The following DAPK1 variants were observed in gnomAD, a reference collection of about 807,000 sequenced individuals.
DAPK1 encodes death-associated protein kinase 1.
DAPK1 carries 56 observed loss-of-function variants against 144.9 expected under a neutral mutation model. The observed-to-expected ratio is 0.39, with a 90% confidence interval of 0.31 to 0.48. The LOEUF (loss-of-function observed/expected upper bound fraction) is 0.48, where lower values mean the gene tolerates loss of function less well. DAPK1 is among the 20% of genes least tolerant of loss of function. The pLI, the probability that DAPK1 is intolerant of heterozygous loss-of-function variation, is 0.95. For missense variants in DAPK1, 1,454 were observed against 1,875.4 expected (o/e 0.78, Z 4.15); for synonymous variants, 690 against 749.0 (o/e 0.92, Z 1.29).
chr9:87,600,519 G>T (rs1178139485), intron 2 of DAPK1, among the ~76,000 whole-genome samples: 1 of 152,162 alleles, frequency 6.6e-6, no homozygotes, highest in African/African-American at 2.4e-5. Context: ...CTCGAGCTCG[G>T]GAGGTCAAGG....
intron 15 of DAPK1, 149 bp downstream of exon 15, chr9:87,649,028 A>AAC (rs1364429314): frequency 7.4e-6 from 5 of 679,104 alleles, no homozygotes; most frequent in Non-Finnish European, 1.3e-5. Flanking sequence ...CAGGGACTCA[A>AAC]ACAGAAGTAC....
chr9:87,631,338 C>G (rs1227867339), intron 3 of DAPK1, among the ~76,000 whole-genome samples: 1 of 152,218 alleles, frequency 6.6e-6, no homozygotes, highest in African/African-American at 2.4e-5. Flanking sequence ...GCAATACCTT[C>G]TCCTGCATTA....
Position 87,706,072 on chromosome 9 carries a change from G to T in DAPK1, c.3061-60G>T. On this transcript the variant is annotated intron_variant, in intron 25 of 25. Coordinates refer to ENST00000408954, the MANE Select transcript of DAPK1 (RefSeq NM_004938.4). The surrounding 1 kb of genome is among the most constrained non-coding windows in gnomAD (Gnocchi z 9.0). ...CATCAGGCCCTTTAGTGCTCTAAGT[G>T]GCTGGTGCACCTGGCCAGGGCTCTG... 1 of 1,307,236 alleles carries T rather than the reference G, an allele frequency of 7.6e-7. No homozygotes were observed. Among genetic ancestry groups the T allele is most frequent in the Non-Finnish European group, 1.1e-6 (1 of 928,996 alleles). The allele number at this position is 1,307,236 out of a possible 1,614,324, so 81.0% of individuals were successfully genotyped here.
At chr9:87,600,174 C>A (rs1251272586) in intron 2 of DAPK1, among the ~76,000 whole-genome samples, 2 of 152,230 alleles carry the variant, frequency 1.3e-5, no homozygotes, top group African/African-American at 4.8e-5. Context: ...TGTTTGACTT[C>A]AGCTAGGAAC....
intron 18 of DAPK1, among the ~76,000 whole-genome samples, chr9:87,664,330 G>A (rs3128475): frequency 0.13 from 19,962 of 152,070 alleles, 1,733 homozygotes; most frequent in Non-Finnish European, 0.19. Context: ...CGCATAGTGT[G>A]CCCACAGCAT....
chr9:87,612,447 G>A (rs1828962732), intron 3 of DAPK1, among the ~76,000 whole-genome samples: 1 of 152,154 alleles, frequency 6.6e-6, no homozygotes, highest in Admixed American at 6.5e-5. Flanking sequence ...GAGGCATGGA[G>A]CAGATTCATC....
intron 3 of DAPK1, among the ~76,000 whole-genome samples, chr9:87,623,079 C>T (rs1237367464): frequency 1.3e-5 from 2 of 152,034 alleles, no homozygotes; most frequent in South Asian, 2.1e-4. Context: ...CATAAGGGGC[C>T]CACTAGGACT....
intron 24 of DAPK1, chr9:87,702,013 G>A (rs922468870): frequency 2.9e-6 from 1 of 340,426 alleles, no homozygotes; most frequent in Non-Finnish European, 6.3e-6. Flanking sequence ...TCTGGATTGA[G>A]GCTGCATTCC....
Position 87,639,458 on chromosome 9 carries a change from C to G in DAPK1, c.528C>G (p.Asn176Lys). The G allele has an allele frequency of 6.2e-7, 1 of 1,613,306 alleles. No homozygotes were observed. The highest frequency in any genetic ancestry group is 8.5e-7 in the Non-Finnish European group (1 of 1,179,854). ...TTGACTTTGGAAATGAATTTAAAAA[C>G]ATATTTGGGACTCCAGAGTTTGTCG... The part of the protein sequence containing the change: ...HKIDFGNEFK[N>K]IFGTPEFVAP... The change falls in exon 5 of 26, where the codon AAC (asparagine) becomes AAG (lysine). Residue 176 changes from asparagine to lysine, a missense_variant. By Grantham distance (94) the Asn-to-Lys change is moderately conservative. Coordinates refer to ENST00000408954, the MANE Select transcript of DAPK1 (RefSeq NM_004938.4).
chr9:87,675,686 G>A (rs1285382466), intron 19 of DAPK1, among the ~76,000 whole-genome samples: 1 of 152,052 alleles, frequency 6.6e-6, no homozygotes, highest in African/African-American at 2.4e-5. Flanking sequence ...CCTGATAGGA[G>A]GTGATCTTGG....
At chr9:87,540,789 C>A (rs1383938616) in intron 2 of DAPK1, among the ~76,000 whole-genome samples, 1 of 152,176 alleles carries the variant, frequency 6.6e-6, no homozygotes, top group African/African-American at 2.4e-5. Flanking sequence ...TGCTCACTTA[C>A]CTGTCTCTTA....
chr9:87,707,830 T>A lies in DAPK1; in HGVS notation c.*466T>A, dbSNP rs1218799681. The A allele has an allele frequency of 8.8e-6, 4 of 456,892 alleles. No individual in the cohort carries two copies. Among genetic ancestry groups the A allele is most frequent in the Admixed American group, 2.3e-5 (1 of 42,564 alleles). The allele number at this position is 456,892 out of a possible 1,614,324, so 28.3% of individuals were successfully genotyped here. A position where few individuals can be genotyped will look rare whatever the true frequency, so the allele number is the denominator to read the frequency against. On this transcript the variant is annotated 3_prime_UTR_variant, in exon 26 of 26. Transcript: ENST00000408954. This position sits in a 1 kb window ranked among gnomAD's most constrained non-coding sequence, Gnocchi z 4.0. ...ATTTCCTCAGCTTATCTCTTTTATA[T>A]TTGTAGGAGAAACTCCCATGTATGG... is the stretch of plus-strand genomic sequence containing the variant.
At chr9:87,567,676 G>C (rs1029190978) in intron 2 of DAPK1, among the ~76,000 whole-genome samples, 5 of 152,098 alleles carry the variant, frequency 3.3e-5, no homozygotes, top group African/African-American at 1.2e-4. Context: ...TTAGGATTAA[G>C]CTTTTCTCAG....
chr9:87,542,989 G>A (rs1826109216), intron 2 of DAPK1, among the ~76,000 whole-genome samples: 1 of 152,164 alleles, frequency 6.6e-6, no homozygotes, highest in African/African-American at 2.4e-5. Flanking sequence ...AGACTGCATG[G>A]GTGACATTAG....
At chr9:87,526,818 C>A (rs1825529108) in intron 2 of DAPK1, among the ~76,000 whole-genome samples, 1 of 152,204 alleles carries the variant, frequency 6.6e-6, no homozygotes, top group Admixed American at 6.5e-5. Flanking sequence ...ATTCTCTCCT[C>A]TCTCTGGTGA....
chr9:87,658,379 CT>C (rs1830707314), intron 18 of DAPK1, among the ~76,000 whole-genome samples: 1 of 152,182 alleles, frequency 6.6e-6, no homozygotes, highest in Non-Finnish European at 1.5e-5. Context: ...TCCCGCTGGC[CT>C]TTTTGTTTTT....
At chr9:87,657,937 C>G in intron 17 of DAPK1, 92 bp from the exon 18 acceptor site, 2 of 717,328 alleles carry the variant, frequency 2.8e-6, no homozygotes, top group Non-Finnish European at 5.2e-6. Flanking sequence ...TCTGGTGGGC[C>G]CTGACCCCTT....
intron 18 of DAPK1, among the ~76,000 whole-genome samples, chr9:87,667,439 C>A (rs2119269917): frequency 6.6e-6 from 1 of 152,274 alleles, no homozygotes; most frequent in African/African-American, 2.4e-5. Flanking sequence ...GTGCTACTGC[C>A]ACCTAGTGTG....
intron 18 of DAPK1, among the ~76,000 whole-genome samples, chr9:87,662,661 T>C (rs1431687019): frequency 6.8e-6 from 1 of 147,394 alleles, no homozygotes; most frequent in East Asian, 2.1e-4. Context: ...TCTAATGATT[T>C]CTGTATGTTA....
Sources: gnomAD v4.1 joint callset for allele counts (sites outside exome capture counted in the v4.1 genomes callset) on GRCh38, gnomAD v4.1.1 for gene constraint, Gnocchi (gnomAD v3.1) non-coding constraint, MANE v1.5 for transcripts, NCBI Gene and HGNC (gene_info 2026-07-23, HGNC 2026-07-21) for gene names.